The following FERMT2 variants were observed in gnomAD, a reference collection of about 807,000 sequenced individuals.
FERMT2 encodes fermitin family homolog 2.
In FERMT2, 15 loss-of-function variants were observed where a neutral mutation model predicts 82.7. The ratio of observed to expected loss-of-function variants is 0.18; its 90% CI spans 0.12 to 0.28. The LOEUF (loss-of-function observed/expected upper bound fraction) is 0.28. Among genes scored for constraint, FERMT2 ranks in the 10% least tolerant of loss-of-function variants. The pLI is 1.00. For missense variants in FERMT2, 645 were observed against 809.4 expected, an observed-to-expected ratio of 0.80 and a Z score of 2.46; for synonymous variants, 274 against 271.5, an observed-to-expected ratio of 1.01 and a Z score of -0.09.
At chr14:52,917,296 ATGTGTG>A (rs992718596) in intron 3 of FERMT2, among the ~76,000 whole-genome samples, 3 of 144,854 alleles carry the variant, frequency 2.1e-5, no homozygotes, top group Non-Finnish European at 3.1e-5. Flanking sequence ...GTGTGTGTGT[ATGTGTG>A]TGTCTGTGTA....
intron 4 of FERMT2, among the ~76,000 whole-genome samples, chr14:52,884,151 G>A (rs963739159): frequency 1.3e-5 from 2 of 152,072 alleles, no homozygotes; most frequent in East Asian, 1.9e-4. Flanking sequence ...TAATCACTTC[G>A]TTGTTCTTAT....
chr14:52,917,125 A>C (rs148878915), intron 3 of FERMT2, among the ~76,000 whole-genome samples: 3 of 152,240 alleles, frequency 2.0e-5, no homozygotes, highest in African/African-American at 7.2e-5. Flanking sequence ...TGAATTATGT[A>C]TATATTTAAA....
rs79671024 is a variant in FERMT2 at position 52,901,902 on chromosome 14, A to G, written c.392-8475T>C. Among the ~76,000 whole-genome samples the G allele has an allele frequency of 5.7e-3, 866 of 152,306 alleles. 7 individuals are homozygous for G. The highest frequency in any genetic ancestry group is 0.02 in the African/African-American group (837 of 41,560). On this transcript the variant is annotated intron_variant, in intron 3 of 14. Transcript: ENST00000341590. Reference sequence around the variant, plus strand: ...AAATTCGTGTTGTTTCAGGCTGCTAAATTTATGGTAATTTGTTATGGCAGC... The same window carrying G: ...AAATTCGTGTTGTTTCAGGCTGCTAGATTTATGGTAATTTGTTATGGCAGC...
At chr14:52,860,775 T>G in intron 12 of FERMT2, 1 of 574,768 alleles carries the variant, frequency 1.7e-6, no homozygotes, top group Non-Finnish European at 3.0e-6. Context: ...CAGCACATTC[T>G]AATCCACATA....
At chr14:52,872,345 C>A in intron 10 of FERMT2, 1 of 157,408 alleles carries the variant, frequency 6.4e-6, no homozygotes, top group South Asian at 1.9e-4. Flanking sequence ...CAATTGAGGC[C>A]CGGAGTTCGA....
intron 10 of FERMT2, among the ~76,000 whole-genome samples, 160 bp from the exon 11 acceptor site, chr14:52,865,013 G>A (rs1885183613): frequency 6.6e-6 from 1 of 152,158 alleles, no homozygotes; most frequent in African/African-American, 2.4e-5. Flanking sequence ...ATATACTTGG[G>A]AAGCTGGAAT....
At chr14:52,882,806 A>G (rs1211225540) in intron 4 of FERMT2, among the ~76,000 whole-genome samples, 1 of 152,170 alleles carries the variant, frequency 6.6e-6, no homozygotes, top group Non-Finnish European at 1.5e-5. Context: ...TTAAAAAAAA[A>G]AAGTTTTTAC....
intron 2 of FERMT2, among the ~76,000 whole-genome samples, chr14:52,943,328 A>G (rs1890182685): frequency 6.6e-6 from 1 of 152,224 alleles, no homozygotes; most frequent in Non-Finnish European, 1.5e-5. Context: ...GGGTGGCCAT[A>G]AAGTTTACAA....
Position 52,860,406 on chromosome 14 carries a change from G to A in FERMT2, c.1662C>T (p.Ala554=). ...GCCAAGCTTGAATAAATCTCATCTT[G>A]GCTTCAATTAGACTCATCTGAGCTA... ...QNVAQMSLIE[A]KMRFIQAWQS... The change falls in exon 13 of 15, where the codon GCC becomes GCT. Residue 554 remains alanine, a synonymous_variant. Transcript: ENST00000341590. 1 of 1,613,546 alleles carries A rather than the reference G, an allele frequency of 6.2e-7. No individual in the cohort carries two copies. Among genetic ancestry groups the A allele is most frequent in the Middle Eastern group, 1.7e-4 (1 of 6,058 alleles).
intron 2 of FERMT2, among the ~76,000 whole-genome samples, chr14:52,948,002 GA>G (rs1029566478): frequency 3.3e-5 from 5 of 152,224 alleles, no homozygotes; most frequent in Non-Finnish European, 5.9e-5. Context: ...TCTGGAGTTT[GA>G]AAATGTAAGT....
Position 52,858,543 on chromosome 14 carries a change from A to G in FERMT2, c.1877T>C (p.Val626Ala), listed in dbSNP as rs1884703184. 1 of 1,613,924 alleles carries G rather than the reference A, an allele frequency of 6.2e-7. No individual in the cohort carries two copies. Residue 626 changes from valine (V) to alanine (A), a missense_variant, in exon 15 of 15, where the codon GTA becomes GCA. Transcript: ENST00000341590. ...NVNWEIKMVT[V>A]EFADEVRLSF... The stretch of plus-strand genomic sequence containing the variant: ...CAATCGTACTTCATCTGCAAACTCT[A>G]CGGTGACCTGGAACAAAGACAAGAG...
intron 11 of FERMT2, 42 bp from the exon 12 acceptor site, chr14:52,864,664 T>C (rs1183882698): frequency 1.8e-5 from 28 of 1,586,980 alleles, no homozygotes; most frequent in Non-Finnish European, 2.3e-5. Flanking sequence ...TATCACGAGG[T>C]GGGTCTTTCA....
intron 3 of FERMT2, among the ~76,000 whole-genome samples, chr14:52,915,304 A>C (rs1888555912): frequency 6.6e-6 from 1 of 152,262 alleles, no homozygotes; most frequent in African/African-American, 2.4e-5. Context: ...GAAACATACA[A>C]TTCCAAAATC....
intron 2 of FERMT2, among the ~76,000 whole-genome samples, chr14:52,933,579 A>G (rs149103252): frequency 3.1e-4 from 47 of 151,798 alleles, no homozygotes; most frequent in African/African-American, 6.8e-4. Flanking sequence ...GCATGGTGGC[A>G]CATGCCTGTA....
intron 2 of FERMT2, chr14:52,948,642 A>G (rs1890473252): frequency 4.4e-6 from 2 of 450,408 alleles, no homozygotes. Flanking sequence ...ATTTAAATTA[A>G]CATCATTTCT....
intron 2 of FERMT2, among the ~76,000 whole-genome samples, chr14:52,941,272 T>C (rs1890076564): frequency 6.6e-6 from 1 of 152,214 alleles, no homozygotes; most frequent in Admixed American, 6.5e-5. Flanking sequence ...ATCACTGGTT[T>C]TTAGGATCTG....
At chr14:52,880,716 T>A (rs183866880) in intron 6 of FERMT2, among the ~76,000 whole-genome samples, 1 of 152,054 alleles carries the variant, frequency 6.6e-6, no homozygotes, top group African/African-American at 2.4e-5. Context: ...GCCAGTTCTA[T>A]AGTACCAAAA....
rs1038842893 is a variant in FERMT2 at position 52,943,174 on chromosome 14, C to A, written c.157+7238G>T. Among the ~76,000 whole-genome samples, 5 of 137,146 alleles carry A rather than the reference C, an allele frequency of 3.6e-5. 2 individuals carry two copies. The highest frequency in any genetic ancestry group is 1.5e-4 in the African/African-American group (5 of 33,844). 90.0% of individuals were successfully genotyped at this position (137,146 alleles called of 152,430 possible). A position where few individuals can be genotyped will look rare whatever the true frequency, so the allele number is the denominator to read the frequency against. On this transcript the variant is annotated intron_variant, in intron 2 of 14. Coordinates refer to ENST00000341590, the MANE Select transcript of FERMT2 (RefSeq NM_006832.3). ...AGTGGACTGAAATCGTGCCACTGCA[C>A]TCCAGCCTGGGTGACAAGAGCAAAA...
In FERMT2 at chr14:52,881,463, A is replaced by C. The variant is rs753192834; in HGVS notation, c.533T>G (p.Ile178Arg). ...GPLITPGSGS[I>R]YSSPGLYSKT... Reference sequence around the variant, plus strand: ...ACTATACAGTCCTGGGCTTGAATATATACTTCCTAATAAGTAACATGAAAA... The same window carrying C: ...ACTATACAGTCCTGGGCTTGAATATCTACTTCCTAATAAGTAACATGAAAA... The change falls in exon 5 of 15, where the codon ATA becomes AGA. Residue 178 changes from isoleucine to arginine, a missense_variant. Ile to Arg is a moderately conservative substitution (Grantham distance 97, BLOSUM62 -3). Transcript: ENST00000341590. 2.5e-6 allele frequency: 4 copies of C among 1,600,316 alleles called. No homozygotes were observed. The African/African-American group carries it at 5.4e-5, about 21-fold the overall frequency.
Sources: allele counts gnomAD v4.1 joint callset (sites outside exome capture counted in the v4.1 genomes callset), GRCh38; gene constraint gnomAD v4.1.1; transcripts MANE v1.5; gene names NCBI Gene and HGNC (gene_info 2026-07-23, HGNC 2026-07-21).